The following EP300 variants were observed in gnomAD, a reference collection of about 807,000 sequenced individuals.
EP300 encodes histone acetyltransferase p300.
Under a neutral mutation model 264.0 loss-of-function variants are expected in EP300, and 31 were observed. That is an observed-to-expected ratio of 0.12 (90% CI 0.09 to 0.16). EP300 has a LOEUF of 0.16. Ranked by LOEUF, EP300 falls within the 10% of genes least tolerant of loss-of-function variation. The pLI is 1.00. For synonymous variants in EP300, 1,340 were observed against 1,045.4 expected (o/e 1.28, Z -5.44); for missense variants, 2,766 against 3,052.9 (o/e 0.91, Z 2.21).
At chr22:41,101,716 G>T (rs2058732940) in intron 1 of EP300, among the ~76,000 whole-genome samples, 1 of 151,938 alleles carries the variant, frequency 6.6e-6, no homozygotes, top group Non-Finnish European at 1.5e-5. Context: ...CAGCCACCTG[G>T]GTCTTAAAGA....
chr22:41,167,584 G>GTA (rs56131556), intron 23 of EP300, among the ~76,000 whole-genome samples: 377 of 34,232 alleles, frequency 0.011, 2 homozygotes, highest in Non-Finnish European at 0.015. Context: ...GTGTGTGTGT[G>GTA]TATATATATA....
intron 29 of EP300, 133 bp downstream of exon 29, chr22:41,173,917 G>A (rs949279260): frequency 3.9e-6 from 4 of 1,029,494 alleles, no homozygotes; most frequent in Non-Finnish European, 6.0e-6. Context: ...TTCAAGACCA[G>A]CCTGACCAAC....
chr22:41,148,671 T>A (rs1234413675), intron 12 of EP300: 2 of 315,002 alleles, frequency 6.3e-6, no homozygotes, highest in African/African-American at 4.3e-5. Flanking sequence ...ATTTGTGTTA[T>A]TACATCACTG....
Position 41,178,692 on chromosome 22 carries a change from T to G in EP300, c.6981T>G (p.Pro2327=). The change falls in exon 31 of 31, where the codon CCT becomes CCG. Residue 2327 remains proline (P), a synonymous_variant. Coordinates refer to ENST00000263253, the MANE Select transcript of EP300 (RefSeq NM_001429.4). ...RPQSQPPHSS[P]SPRMQPQPSP... ...AGTCCCAGCCCCCCCACTCCAGTCC[T>G]TCCCCAAGGATGCAGCCTCAGCCTT... The G allele has an allele frequency of 6.2e-7, 1 of 1,614,078 alleles. No individual in the cohort carries two copies. The highest frequency in any genetic ancestry group is 8.5e-7 in the Non-Finnish European group (1 of 1,180,000).
chr22:41,158,025 G>A (rs2059087176), intron 18 of EP300, among the ~76,000 whole-genome samples: 1 of 152,212 alleles, frequency 6.6e-6, no homozygotes. Context: ...TGGCTTTCCT[G>A]TACATACCAA....
chr22:41,176,139 G>A (rs2059199122), intron 29 of EP300, 108 bp from the exon 30 acceptor site: 1 of 1,304,114 alleles, frequency 7.7e-7, no homozygotes, highest in Non-Finnish European at 1.1e-6. Context: ...ATAATTGCTT[G>A]AGCCCAGGAG....
chr22:41,127,249 C>T (rs1257606443), intron 3 of EP300, among the ~76,000 whole-genome samples: 2 of 152,022 alleles, frequency 1.3e-5, no homozygotes, highest in Non-Finnish European at 2.9e-5. Flanking sequence ...CTTCTCTCTG[C>T]TTTTGCTCTC....
intron 9 of EP300, among the ~76,000 whole-genome samples, chr22:41,140,541 C>G (rs1174115747): frequency 6.6e-6 from 1 of 152,028 alleles, no homozygotes; most frequent in African/African-American, 2.4e-5. Flanking sequence ...TGCAGTGGCT[C>G]GGTGCCTGTA....
At chr22:41,106,890 T>C (rs984507931) in intron 1 of EP300, among the ~76,000 whole-genome samples, 8 of 152,038 alleles carry the variant, frequency 5.3e-5, no homozygotes, top group African/African-American at 1.9e-4. Flanking sequence ...ACCTACCAGG[T>C]CTGGCCTAAA....
intron 21 of EP300, among the ~76,000 whole-genome samples, chr22:41,163,295 C>T (rs1034904309): frequency 6.0e-5 from 9 of 151,138 alleles, no homozygotes; most frequent in Admixed American, 1.3e-4. Context: ...ATTAGCCGGG[C>T]GTAGTGGCGG....
At chr22:41,153,907 A>C (rs1419731579) in intron 16 of EP300, among the ~76,000 whole-genome samples, 2 of 152,100 alleles carry the variant, frequency 1.3e-5, no homozygotes, top group African/African-American at 4.8e-5. Context: ...TGAAGTAACA[A>C]ATATACTCTA....
chr22:41,176,847 A>C lies in EP300; in HGVS notation c.5136A>C (p.Leu1712Phe). ...AAATGGAGAAACTAGGCCTTGGCTT[A>C]GATGATGAGAGCAACAACCAGCAGG... Reference protein sequence around the residue: ...DHKMEKLGLGLDDESNNQQAA... With the variant: ...DHKMEKLGLGFDDESNNQQAA... The change falls in exon 31 of 31, where the codon TTA becomes TTC. Residue 1712 changes from leucine (L) to phenylalanine (F), a missense_variant. Coordinates refer to ENST00000263253, the MANE Select transcript of EP300 (RefSeq NM_001429.4). 6.2e-7 allele frequency: 1 copy of C among 1,614,154 alleles called. No homozygotes were observed. The highest frequency in any genetic ancestry group is 1.3e-5 in the African/African-American group (1 of 75,048).
chr22:41,117,134 T>G, intron 1 of EP300, 53 bp from the exon 2 acceptor site: 12 of 1,530,432 alleles, frequency 7.8e-6, no homozygotes, highest in Non-Finnish European at 1.1e-5. Flanking sequence ...TAGAGCAGTT[T>G]TTTATTTTGG....
intron 22 of EP300, among the ~76,000 whole-genome samples, chr22:41,166,053 G>A (rs2145758622): frequency 6.6e-6 from 1 of 152,294 alleles, no homozygotes; most frequent in East Asian, 1.9e-4. Context: ...CCAAAGTACT[G>A]GGATTACAGG....
chr22:41,179,396 T>G lies in EP300; in HGVS notation c.*440T>G, dbSNP rs900484865. 3.5e-5 allele frequency: 7 copies of G among 201,212 alleles called. No individual in the cohort carries two copies. Among genetic ancestry groups the G allele is most frequent in the African/African-American group, 1.6e-4 (7 of 43,188 alleles). The allele number at this position is 201,212 out of a possible 1,614,324, so 12.5% of individuals were successfully genotyped here. On this transcript the variant is annotated 3_prime_UTR_variant, in exon 31 of 31. Coordinates refer to ENST00000263253, the MANE Select transcript of EP300 (RefSeq NM_001429.4). ...TCACTTTATGGAAGAGTTAAAACAT[T>G]TCTAAACCAGAGGACAAAAGGGGTT...
At chr22:41,143,799 G>A (rs2045848456) in intron 10 of EP300, among the ~76,000 whole-genome samples, 1 of 152,090 alleles carries the variant, frequency 6.6e-6, no homozygotes, top group South Asian at 2.1e-4. Context: ...ACCTAGTCTC[G>A]AACTCCCGGC....
intron 1 of EP300, among the ~76,000 whole-genome samples, chr22:41,099,167 C>T (rs562204486): frequency 3.3e-5 from 5 of 152,152 alleles, no homozygotes; most frequent in Admixed American, 2.0e-4. Flanking sequence ...CGGCTTCAAG[C>T]GATTCTCCTG....
chr22:41,107,562 G>A (rs192428700), intron 1 of EP300, among the ~76,000 whole-genome samples: 1 of 152,244 alleles, frequency 6.6e-6, no homozygotes, highest in East Asian at 1.9e-4. Context: ...TCATAGTACA[G>A]TGTTTGGGAT....
intron 22 of EP300, 81 bp downstream of exon 22, chr22:41,164,211 T>C (rs2059123006): frequency 8.2e-7 from 1 of 1,220,612 alleles, no homozygotes. Flanking sequence ...TGCAATTGAC[T>C]GTATTATATC....
Sources: allele counts gnomAD v4.1 joint callset (sites outside exome capture counted in the v4.1 genomes callset), GRCh38; gene constraint gnomAD v4.1.1; transcripts MANE v1.5; gene names NCBI Gene and HGNC (gene_info 2026-07-23, HGNC 2026-07-21).